Variants in ITGB5 observed in about 807,000 individuals in gnomAD.
ITGB5 encodes the protein integrin beta-5.
Under a neutral mutation model 84.8 loss-of-function variants are expected in ITGB5, and 38 were observed. The ratio of observed to expected loss-of-function variants is 0.45; its 90% CI spans 0.35 to 0.59. The LOEUF (loss-of-function observed/expected upper bound fraction) is 0.59, where lower values mean the gene tolerates loss of function less well. ITGB5 is among the 20% of genes least tolerant of loss of function. ITGB5 has a pLI of 0.01. For missense variants in ITGB5, 905 were observed against 1,034.5 expected, an observed-to-expected ratio of 0.87 and a Z score of 1.72; for synonymous variants, 393 against 414.4, an observed-to-expected ratio of 0.95 and a Z score of 0.63.
intron 5 of ITGB5, among the ~76,000 whole-genome samples, chr3:124,840,662 C>CTTT (rs533782703): frequency 6.9e-6 from 1 of 145,520 alleles, no homozygotes. Flanking sequence ...CTTTTTCTTT[C>CTTT]TTTTTTTTTT....
At chr3:124,806,424 A>ATTTTTTTT (rs71145488) in intron 9 of ITGB5, among the ~76,000 whole-genome samples, 2 of 72,774 alleles carry the variant, frequency 2.7e-5, no homozygotes, top group Non-Finnish European at 5.3e-5. Flanking sequence ...GCCTCATTCC[A>ATTTTTTTT]TTTTTTTTTT....
At chr3:124,844,870 T>C (rs554965714) in intron 4 of ITGB5, among the ~76,000 whole-genome samples, 7 of 152,318 alleles carry the variant, frequency 4.6e-5, no homozygotes, top group South Asian at 2.1e-4. Context: ...GCCTGAGCAA[T>C]TGGAATACAC....
chr3:124,887,751 G>A (rs1227841463), upstream of ITGB5: 6 of 444,516 alleles, frequency 1.3e-5, no homozygotes, highest in Non-Finnish European at 2.3e-5. Context: ...GGGAGAGCAG[G>A]TACGGGGGTC....
chr3:124,773,683 C>A lies in ITGB5; in HGVS notation c.1916+7G>T, dbSNP rs2063880665. 1 of 1,611,156 alleles carries A rather than the reference C, an allele frequency of 6.2e-7. No homozygotes were observed. The highest frequency in any genetic ancestry group is 8.5e-7 in the Non-Finnish European group (1 of 1,179,290). ...AAGTAAGGTGGGGCTGTCAGTGGAA[C>A]CAGTACCTCTTGGTGCTGCATGCAT... On this transcript the variant is annotated splice_region_variant and intron_variant, in intron 11 of 14. Coordinates refer to ENST00000296181, the MANE Select transcript of ITGB5 (RefSeq NM_002213.5).
intron 3 of ITGB5, among the ~76,000 whole-genome samples, chr3:124,858,708 T>C (rs11928651): frequency 0.42 from 63,368 of 152,028 alleles, 13,453 homozygotes; most frequent in East Asian, 0.67. Flanking sequence ...AGTCGGAAAG[T>C]AGAGTAGGCA....
chr3:124,825,790 G>C (rs1559955176), intron 5 of ITGB5, among the ~76,000 whole-genome samples: 2 of 152,052 alleles, frequency 1.3e-5, no homozygotes, highest in Admixed American at 6.6e-5. Flanking sequence ...ACCTAAAAAG[G>C]GTCAATTTTA....
intron 9 of ITGB5, among the ~76,000 whole-genome samples, chr3:124,804,308 G>A (rs1199180600): frequency 6.6e-6 from 1 of 152,148 alleles, no homozygotes; most frequent in Non-Finnish European, 1.5e-5. Flanking sequence ...AGGATCACTT[G>A]AGGCCAGGAG....
chr3:124,846,112 G>A (rs921150191), intron 4 of ITGB5, among the ~76,000 whole-genome samples: 1 of 152,152 alleles, frequency 6.6e-6, no homozygotes, highest in Non-Finnish European at 1.5e-5. Flanking sequence ...CCCAATACCT[G>A]AAAAGATCTA....
chr3:124,777,025 G>A (rs2063936514), intron 10 of ITGB5, among the ~76,000 whole-genome samples: 1 of 152,212 alleles, frequency 6.6e-6, no homozygotes, highest in African/African-American at 2.4e-5. Context: ...AAGCCTAGCT[G>A]CTTTAAGTAT....
At chr3:124,769,389 G>A (rs796922287) in intron 11 of ITGB5, 10 of 385,666 alleles carry the variant, frequency 2.6e-5, no homozygotes, top group African/African-American at 1.9e-4. Flanking sequence ...AAATCCATCT[G>A]CACTCTGGTC....
chr3:124,798,104 G>T (rs1386559566), intron 9 of ITGB5, among the ~76,000 whole-genome samples: 4 of 132,280 alleles, frequency 3.0e-5, no homozygotes, highest in Non-Finnish European at 6.1e-5. Flanking sequence ...CCAGGCTGGA[G>T]TGCGGTGGCA....
intron 5 of ITGB5, among the ~76,000 whole-genome samples, chr3:124,821,892 CTA>C: frequency 1.5e-5 from 1 of 65,278 alleles, no homozygotes; most frequent in African/African-American, 6.6e-5. Context: ...GTTGGCTGGG[CTA>C]GCTAGTCTAA....
At chr3:124,772,431 G>T (rs560970400) in intron 11 of ITGB5, among the ~76,000 whole-genome samples, 1 of 152,294 alleles carries the variant, frequency 6.6e-6, no homozygotes, top group South Asian at 2.1e-4. Flanking sequence ...GCCGCTGCAG[G>T]CGCAGGGAGC....
intron 11 of ITGB5, 127 bp from the exon 12 acceptor site, chr3:124,769,240 T>G (rs532019378): frequency 4.4e-6 from 3 of 685,994 alleles, no homozygotes; most frequent in Non-Finnish European, 7.4e-6. Flanking sequence ...ATGTTCAGCC[T>G]CAGGGAATGT....
chr3:124,799,714 C>T (rs1048914868), intron 9 of ITGB5, among the ~76,000 whole-genome samples: 5 of 152,122 alleles, frequency 3.3e-5, no homozygotes, highest in African/African-American at 9.7e-5. Context: ...ACAGGGTTGG[C>T]GGGGTTGGTG....
chr3:124,776,215 G>A (rs1030601077), intron 10 of ITGB5, among the ~76,000 whole-genome samples: 4 of 152,234 alleles, frequency 2.6e-5, no homozygotes, highest in African/African-American at 9.6e-5. Context: ...GCTCATCCCT[G>A]GAAGGGAGAG....
At chr3:124,797,541 G>T (rs1244844257) in intron 9 of ITGB5, among the ~76,000 whole-genome samples, 3 of 152,200 alleles carry the variant, frequency 2.0e-5, no homozygotes, top group Non-Finnish European at 4.4e-5. Flanking sequence ...AATATGTAAG[G>T]AAGTGTTTCT....
In ITGB5 at chr3:124,841,544, A is replaced by G. The variant is rs1253443310; in HGVS notation, c.619T>C (p.Leu207=). The G allele has an allele frequency of 2.5e-6, 4 of 1,613,664 alleles. No individual in the cohort carries two copies. The South Asian group carries it at 4.4e-5, about 18-fold the overall frequency. The change falls in exon 5 of 15, where the codon TTG becomes CTG. Residue 207 remains leucine, a synonymous_variant. Transcript: ENST00000296181. ...YQTNPCIGYK[L]FPNCVPSFGF... Reference sequence around the variant, plus strand: ...AAGGAGGGGACGCAATTTGGAAACAACTTGTAACTAGAGAGGAAGAAGAGA... The same window carrying G: ...AAGGAGGGGACGCAATTTGGAAACAGCTTGTAACTAGAGAGGAAGAAGAGA...
chr3:124,781,044 C>T (rs2063997698), intron 10 of ITGB5: 1 of 152,344 alleles, frequency 6.6e-6, no homozygotes, highest in Non-Finnish European at 1.5e-5. Context: ...GTCTGTGTGG[C>T]TGAGGGCCGT....
Sources: allele counts gnomAD v4.1 joint callset (sites outside exome capture counted in the v4.1 genomes callset), GRCh38; gene constraint gnomAD v4.1.1; transcripts MANE v1.5; gene names NCBI Gene and HGNC (gene_info 2026-07-23, HGNC 2026-07-21).